The following LEKR1 variants were observed in gnomAD, a reference collection of about 807,000 sequenced individuals.
LEKR1 encodes the protein leucine, glutamate and lysine rich 1, also known as protein LEKR1.
LEKR1 carries 59 observed loss-of-function variants against 72.4 expected under a neutral mutation model. The observed-to-expected ratio is 0.82, with a 90% confidence interval of 0.66 to 1.01. LEKR1 has a LOEUF of 1.01. Ranked by LOEUF, LEKR1 falls within the 50% of genes least tolerant of loss-of-function variation. The pLI is 0.00. For synonymous variants in LEKR1, 257 were observed against 263.2 expected (o/e 0.98, Z 0.23); for missense variants, 728 against 759.2 (o/e 0.96, Z 0.48).
At chr3:156,864,870 A>G (rs1306727027) in intron 3 of LEKR1, among the ~76,000 whole-genome samples, 1 of 151,898 alleles carries the variant, frequency 6.6e-6, no homozygotes, top group African/African-American at 2.4e-5. Context: ...CCTGCTATGT[A>G]AATACTGGAG....
intron 2 of LEKR1, among the ~76,000 whole-genome samples, chr3:156,849,245 A>G (rs928037004): frequency 6.6e-6 from 1 of 152,214 alleles, no homozygotes; most frequent in African/African-American, 2.4e-5. Context: ...TCACTTCTCA[A>G]TGAAATAAAA....
intron 3 of LEKR1, among the ~76,000 whole-genome samples, chr3:156,879,576 A>G (rs565159555): frequency 4.9e-4 from 74 of 152,372 alleles, no homozygotes; most frequent in African/African-American, 1.6e-3. Flanking sequence ...ATAAATTTGT[A>G]TAAGTAATGA....
At chr3:157,041,391 G>T (rs1735329015) in intron 12 of LEKR1, among the ~76,000 whole-genome samples, 1 of 152,062 alleles carries the variant, frequency 6.6e-6, no homozygotes, top group South Asian at 2.1e-4. Flanking sequence ...ATGCAGATTT[G>T]ATCATACCAG....
At chr3:156,991,946 T>C (rs73873759) in intron 7 of LEKR1, among the ~76,000 whole-genome samples, 5,449 of 152,300 alleles carry the variant, frequency 0.036, 341 homozygotes, top group African/African-American at 0.12. Context: ...CTCCAAAAAA[T>C]ATTGTTGTCG....
At chr3:156,923,077 A>G (rs1204229094) in intron 4 of LEKR1, among the ~76,000 whole-genome samples, 1 of 152,116 alleles carries the variant, frequency 6.6e-6, no homozygotes, top group Admixed American at 6.6e-5. Context: ...TTTCCCAACC[A>G]TATTTTGGCT....
intron 11 of LEKR1, among the ~76,000 whole-genome samples, chr3:157,027,599 T>G (rs1420571732): frequency 6.6e-6 from 1 of 152,102 alleles, no homozygotes; most frequent in Non-Finnish European, 1.5e-5. Flanking sequence ...GAGGATTGCT[T>G]GAGCCCAGGA....
intron 3 of LEKR1, among the ~76,000 whole-genome samples, chr3:156,867,426 T>C (rs565593133): frequency 1.3e-5 from 2 of 152,212 alleles, no homozygotes; most frequent in African/African-American, 4.8e-5. Context: ...AGTCATTAGG[T>C]TGGTGCAAAA....
chr3:156,962,579 T>C (rs1728219062), intron 6 of LEKR1, among the ~76,000 whole-genome samples: 1 of 152,214 alleles, frequency 6.6e-6, no homozygotes, highest in South Asian at 2.1e-4. Context: ...ATGTGATCTT[T>C]GATCACTGGA....
At chr3:156,893,372 A>T (rs1021829048) in intron 3 of LEKR1, among the ~76,000 whole-genome samples, 1 of 152,190 alleles carries the variant, frequency 6.6e-6, no homozygotes, top group Non-Finnish European at 1.5e-5. Context: ...TTTATATTTT[A>T]CAAGAAAAAT....
intron 2 of LEKR1, among the ~76,000 whole-genome samples, chr3:156,842,861 G>C (rs1231680173): frequency 2.0e-5 from 3 of 152,142 alleles, no homozygotes; most frequent in Non-Finnish European, 2.9e-5. Flanking sequence ...GTTTCTGACT[G>C]AGCATAGTAT....
intron 3 of LEKR1, among the ~76,000 whole-genome samples, chr3:156,894,845 G>A (rs578129438): frequency 6.6e-6 from 1 of 152,306 alleles, no homozygotes; most frequent in South Asian, 2.1e-4. Flanking sequence ...TACATAAGTG[G>A]AAGATTGAAA....
intron 3 of LEKR1, among the ~76,000 whole-genome samples, chr3:156,899,800 A>G (rs2108562760): frequency 6.6e-6 from 1 of 150,806 alleles, no homozygotes; most frequent in African/African-American, 2.4e-5. Context: ...ATATACATGT[A>G]TATATACATA....
chr3:156,867,116 G>A (rs1238319924), intron 3 of LEKR1, among the ~76,000 whole-genome samples: 2 of 152,068 alleles, frequency 1.3e-5, no homozygotes, highest in Non-Finnish European at 2.9e-5. Flanking sequence ...CTTTATAAAA[G>A]TCAGAATAAA....
chr3:157,020,809 G>A (rs1346301799), intron 10 of LEKR1, among the ~76,000 whole-genome samples: 4 of 152,010 alleles, frequency 2.6e-5, no homozygotes, highest in Non-Finnish European at 5.9e-5. Flanking sequence ...TGGGATTGCT[G>A]GGTCAAATGG....
intron 2 of LEKR1, among the ~76,000 whole-genome samples, chr3:156,852,411 G>C (rs1715472218): frequency 6.6e-6 from 1 of 152,184 alleles, no homozygotes; most frequent in South Asian, 2.1e-4. Context: ...TTAAAGAACA[G>C]TGATTTCCTC....
At chr3:156,844,565 G>A (rs1714336748) in intron 2 of LEKR1, among the ~76,000 whole-genome samples, 1 of 152,012 alleles carries the variant, frequency 6.6e-6, no homozygotes, top group Admixed American at 6.6e-5. Context: ...CCATTGGTCT[G>A]GTCTCCAATA....
At chr3:156,883,295 A>T (rs570285315) in intron 3 of LEKR1, among the ~76,000 whole-genome samples, 88 of 152,180 alleles carry the variant, frequency 5.8e-4, no homozygotes, top group Non-Finnish European at 9.4e-4. Flanking sequence ...CTGCACCCCC[A>T]TTGTATCTAG....
At chr3:156,943,637 T>G (rs1726428755) in intron 6 of LEKR1, among the ~76,000 whole-genome samples, 2 of 151,748 alleles carry the variant, frequency 1.3e-5, no homozygotes, top group African/African-American at 4.8e-5. Flanking sequence ...AAGGGTGAGA[T>G]AGAATCAGGG....
At chr3:156,954,101 T>C (rs1397099536) in intron 6 of LEKR1, among the ~76,000 whole-genome samples, 2 of 152,134 alleles carry the variant, frequency 1.3e-5, no homozygotes, top group Non-Finnish European at 2.9e-5. Flanking sequence ...TTAATTTGCA[T>C]TTCTCTAATG....
Sources: gnomAD v4.1 joint callset for allele counts (sites outside exome capture counted in the v4.1 genomes callset) on GRCh38, gnomAD v4.1.1 for gene constraint, MANE v1.5 for transcripts, NCBI Gene and HGNC (gene_info 2026-07-23, HGNC 2026-07-21) for gene names.